TMEM132C: variants seen among roughly 807,000 people sequenced by gnomAD.
TMEM132C encodes protein phosphatase 1, regulatory subunit 152.
In TMEM132C, 29 loss-of-function variants were observed where a neutral mutation model predicts 61.4. That is an observed-to-expected ratio of 0.47 (90% CI 0.35 to 0.64). TMEM132C has a LOEUF of 0.64. Among genes scored for constraint, TMEM132C ranks in the 30% least tolerant of loss-of-function variants. The probability of loss-of-function intolerance (pLI) is 0.00; values close to 1 mark genes in which losing one functional copy is unlikely to be tolerated. For missense variants in TMEM132C, 1,408 were observed against 1,476.9 expected, an observed-to-expected ratio of 0.95 and a Z score of 0.76; for synonymous variants, 656 against 633.1, an observed-to-expected ratio of 1.04 and a Z score of -0.54.
At chr12:128,690,786 T>TCCCAACTGCTCCCTGCCACTGTC in intron 5 of TMEM132C, among the ~76,000 whole-genome samples, 3 of 152,158 alleles carry the variant, frequency 2.0e-5, no homozygotes, top group African/African-American at 7.2e-5. Flanking sequence ...TGTGTTCCCA[T>TCCCAACTGCTCCCTGCCACTGTC]CCCAACTGCT....
intron 2 of TMEM132C, among the ~76,000 whole-genome samples, chr12:128,536,262 A>G (rs893144019): frequency 6.6e-6 from 1 of 152,164 alleles, no homozygotes; most frequent in Admixed American, 6.5e-5. Context: ...GATGCTGGAA[A>G]CCATCATTCT....
intron 1 of TMEM132C, among the ~76,000 whole-genome samples, chr12:128,412,950 C>A (rs1868612657): frequency 6.6e-6 from 1 of 152,088 alleles, no homozygotes. Context: ...GTAGTTCATT[C>A]AGCCATTTTT....
intron 1 of TMEM132C, among the ~76,000 whole-genome samples, chr12:128,409,498 G>C (rs530656981): frequency 1.4e-4 from 21 of 152,274 alleles, no homozygotes; most frequent in African/African-American, 4.8e-4. Context: ...CACCATGGGG[G>C]GAGAAATCCC....
At position 128,365,775 on chromosome 12, in the gene TMEM132C, C is replaced by T. The variant is rs145833503; in HGVS notation, c.86-48957C>T. On this transcript the variant is annotated intron_variant, in intron 1 of 8. Coordinates refer to ENST00000435159, the MANE Select transcript of TMEM132C (RefSeq NM_001136103.3). ...GAATAGTGTCTGAGTTTCATTTTTA[C>T]AAGGGGCCTTTAAAAACTCCTGGGC... 4.5e-3 allele frequency among the ~76,000 whole-genome samples: 682 copies of T among 152,246 alleles called. 8 individuals are homozygous for T. Among genetic ancestry groups the T allele is most frequent in the African/African-American group, 0.015 (608 of 41,532 alleles).
At chr12:128,663,032 C>T (rs1250886822) in intron 4 of TMEM132C, among the ~76,000 whole-genome samples, 13 of 151,668 alleles carry the variant, frequency 8.6e-5, no homozygotes, top group Admixed American at 8.5e-4. Flanking sequence ...CGGATCTGAG[C>T]CTGATGTGGC....
intron 2 of TMEM132C, among the ~76,000 whole-genome samples, chr12:128,492,869 T>A (rs1213822009): frequency 2.6e-5 from 4 of 152,254 alleles, no homozygotes; most frequent in Admixed American, 2.0e-4. Context: ...GTCCCATTTG[T>A]CAATTTTGGC....
At chr12:128,595,911 G>T (rs1875927325) in intron 3 of TMEM132C, among the ~76,000 whole-genome samples, 1 of 152,186 alleles carries the variant, frequency 6.6e-6, no homozygotes, top group South Asian at 2.1e-4. Context: ...TAGGAGAAGG[G>T]CAATTTCCCA....
chr12:128,375,231 C>T (rs540264813), intron 1 of TMEM132C, among the ~76,000 whole-genome samples: 13 of 152,030 alleles, frequency 8.6e-5, no homozygotes, highest in Admixed American at 2.6e-4. Context: ...ACAGTGTGAC[C>T]GGGGTGGGCG....
At chr12:128,387,853 G>A (rs574771188) in intron 1 of TMEM132C, among the ~76,000 whole-genome samples, 1 of 152,280 alleles carries the variant, frequency 6.6e-6, no homozygotes, top group East Asian at 1.9e-4. Flanking sequence ...GTGTGGAGAC[G>A]TGGGTGTTTG....
intron 1 of TMEM132C, among the ~76,000 whole-genome samples, chr12:128,289,557 C>T (rs1566043704): frequency 1.3e-5 from 2 of 152,208 alleles, no homozygotes; most frequent in Non-Finnish European, 2.9e-5. Context: ...CACACACACT[C>T]ACAACACATT....
rs139300387 is a variant in TMEM132C, at chr12:128,292,803, CTG to C, written c.85+25319_85+25320del. On this transcript the variant is annotated intron_variant, in intron 1 of 8. Coordinates refer to ENST00000435159, the MANE Select transcript of TMEM132C (RefSeq NM_001136103.3). Reference sequence around the variant, plus strand: ...GTGTCTGTTAAGTGTACAATAAGAACTGTGGATCATGACACAGTGGAATTAAC... The same window carrying C: ...GTGTCTGTTAAGTGTACAATAAGAACTGGATCATGACACAGTGGAATTAAC... Among the ~76,000 whole-genome samples the C allele has an allele frequency of 2.6e-3, 389 of 149,670 alleles. 8 individuals carry two copies. In the East Asian group the frequency reaches 0.048, roughly 19 times the overall value.
At chr12:128,354,525 T>C (rs117206340) in intron 1 of TMEM132C, among the ~76,000 whole-genome samples, 1 of 151,710 alleles carries the variant, frequency 6.6e-6, no homozygotes, top group Non-Finnish European at 1.5e-5. Flanking sequence ...CTTCTCTCTC[T>C]CTTTGCCACT....
intron 2 of TMEM132C, among the ~76,000 whole-genome samples, chr12:128,524,066 A>G (rs1423859549): frequency 6.6e-6 from 1 of 150,664 alleles, no homozygotes; most frequent in Non-Finnish European, 1.5e-5. Context: ...TTCTGAACCA[A>G]TTTCCGTGGC....
At chr12:128,349,457 A>G (rs771497960) in intron 1 of TMEM132C, among the ~76,000 whole-genome samples, 1 of 152,160 alleles carries the variant, frequency 6.6e-6, no homozygotes, top group South Asian at 2.1e-4. Context: ...TTCTAAAGTT[A>G]TGTCTTGGAT....
chr12:128,357,050 C>A (rs1873528918), intron 1 of TMEM132C, among the ~76,000 whole-genome samples: 1 of 152,132 alleles, frequency 6.6e-6, no homozygotes, highest in Non-Finnish European at 1.5e-5. Context: ...AAACATTATA[C>A]TAAAAAACCC....
At chr12:128,368,221 T>G (rs1873927138) in intron 1 of TMEM132C, among the ~76,000 whole-genome samples, 1 of 152,234 alleles carries the variant, frequency 6.6e-6, no homozygotes, top group South Asian at 2.1e-4. Context: ...GCATAGCAGC[T>G]TGCAGCTCAG....
chr12:128,427,385 GGGGTGTGTGTGT>G (rs1484788104), intron 2 of TMEM132C, among the ~76,000 whole-genome samples: 4 of 100,706 alleles, frequency 4.0e-5, no homozygotes, highest in African/African-American at 1.6e-4. Flanking sequence ...TACTTCCAAA[GGGGTGTGTGTGT>G]GTGTGTGTGT....
intron 3 of TMEM132C, among the ~76,000 whole-genome samples, chr12:128,548,769 TC>T (rs1565970844): frequency 6.6e-6 from 1 of 152,218 alleles, no homozygotes; most frequent in East Asian, 1.9e-4. Context: ...GAAGATTGTG[TC>T]TGTATTGCAC....
At chr12:128,488,393 G>A (rs1871576513) in intron 2 of TMEM132C, among the ~76,000 whole-genome samples, 1 of 152,178 alleles carries the variant, frequency 6.6e-6, no homozygotes, top group Admixed American at 6.5e-5. Context: ...AGGTGTGGTG[G>A]CTCACACCTG....
Sources: gnomAD v4.1 joint callset for allele counts (sites outside exome capture counted in the v4.1 genomes callset) on GRCh38, gnomAD v4.1.1 for gene constraint, MANE v1.5 for transcripts, NCBI Gene and HGNC (gene_info 2026-07-23, HGNC 2026-07-21) for gene names.